Variants in CTNND2 observed in about 807,000 individuals in gnomAD.
CTNND2 encodes the protein catenin delta-2.
A neutral mutation model predicts 144.4 loss-of-function variants in CTNND2; 22 were observed. That is an observed-to-expected ratio of 0.15 (90% CI 0.11 to 0.22). The LOEUF is 0.22. Ranked by LOEUF, CTNND2 falls within the 10% of genes least tolerant of loss-of-function variation. The pLI is 1.00. For missense variants in CTNND2, 1,353 were observed against 1,618.8 expected, an observed-to-expected ratio of 0.84 and a Z score of 2.82; for synonymous variants, 751 against 695.6, an observed-to-expected ratio of 1.08 and a Z score of -1.25.
At chr5:11,427,872 A>G (rs1762928071) in intron 3 of CTNND2, among the ~76,000 whole-genome samples, 2 of 152,168 alleles carry the variant, frequency 1.3e-5, no homozygotes, top group Admixed American at 6.6e-5. Context: ...TGCTGCTGAT[A>G]AAGACATACT....
At chr5:11,064,998 T>C (rs1747407384) in intron 16 of CTNND2, among the ~76,000 whole-genome samples, 1 of 152,232 alleles carries the variant, frequency 6.6e-6, no homozygotes, top group Non-Finnish European at 1.5e-5. Flanking sequence ...GTTGTGGTTG[T>C]TCTTGTTACT....
chr5:11,880,839 T>TACTACTACCACC (rs1736033236), intron 1 of CTNND2, among the ~76,000 whole-genome samples: 1 of 124,880 alleles, frequency 8.0e-6, no homozygotes, highest in South Asian at 3.0e-4. Context: ...CTACTACCAC[T>TACTACTACCACC]ACTACTACCA....
intron 17 of CTNND2, among the ~76,000 whole-genome samples, chr5:11,019,048 T>C (rs1741944464): frequency 1.3e-5 from 2 of 152,170 alleles, no homozygotes; most frequent in Admixed American, 1.3e-4. Flanking sequence ...GTAAAAAAGC[T>C]ACAGGAGAAA....
At chr5:11,478,525 A>C (rs1303747010) in intron 3 of CTNND2, among the ~76,000 whole-genome samples, 2 of 152,344 alleles carry the variant, frequency 1.3e-5, no homozygotes, top group Non-Finnish European at 2.9e-5. Flanking sequence ...TTGTCAAAAC[A>C]CATCATACCA....
At chr5:11,889,186 C>T (rs1427723801) in intron 1 of CTNND2, among the ~76,000 whole-genome samples, 2 of 152,214 alleles carry the variant, frequency 1.3e-5, no homozygotes, top group East Asian at 3.8e-4. Flanking sequence ...TGCAGAATGT[C>T]AACCATGCAG....
At chr5:11,095,560 G>A (rs1341323352) in intron 15 of CTNND2, among the ~76,000 whole-genome samples, 4 of 152,218 alleles carry the variant, frequency 2.6e-5, no homozygotes, top group African/African-American at 4.8e-5. Flanking sequence ...GAATTTTTTC[G>A]CTCAGCCAAT....
intron 3 of CTNND2, among the ~76,000 whole-genome samples, chr5:11,442,263 TCTAA>T (rs1269082866): frequency 2.6e-5 from 4 of 152,226 alleles, no homozygotes; most frequent in African/African-American, 9.6e-5. Flanking sequence ...GGCTTTTTTC[TCTAA>T]CTCAGTTTTC....
At chr5:11,299,379 A>C (rs1239778512) in intron 9 of CTNND2, among the ~76,000 whole-genome samples, 2 of 152,086 alleles carry the variant, frequency 1.3e-5, no homozygotes, top group African/African-American at 4.8e-5. Flanking sequence ...GAAGAAACAA[A>C]CTCTTAGAAG....
intron 1 of CTNND2, among the ~76,000 whole-genome samples, chr5:11,856,041 G>T (rs1001069884): frequency 6.6e-6 from 1 of 152,128 alleles, no homozygotes; most frequent in African/African-American, 2.4e-5. Flanking sequence ...GGTTAGTTTG[G>T]CAGGACACAA....
intron 1 of CTNND2, among the ~76,000 whole-genome samples, chr5:11,890,541 T>C (rs1736875995): frequency 6.6e-6 from 1 of 152,200 alleles, no homozygotes; most frequent in Non-Finnish European, 1.5e-5. Context: ...ATGATATGAC[T>C]TGATGAATTA....
chr5:11,583,314 A>G (rs1778582719), intron 2 of CTNND2, among the ~76,000 whole-genome samples: 1 of 152,206 alleles, frequency 6.6e-6, no homozygotes, highest in Non-Finnish European at 1.5e-5. Flanking sequence ...GGATGGAGGT[A>G]AATCGTAAAA....
chr5:11,259,530 C>A (rs1381254413), intron 9 of CTNND2, among the ~76,000 whole-genome samples: 1 of 152,092 alleles, frequency 6.6e-6, no homozygotes, highest in African/African-American at 2.4e-5. Context: ...CAAGTCAGAA[C>A]TGTCCAGCTA....
At chr5:11,327,175 G>A (rs946576274) in intron 9 of CTNND2, among the ~76,000 whole-genome samples, 1 of 152,164 alleles carries the variant, frequency 6.6e-6, no homozygotes, top group African/African-American at 2.4e-5. Flanking sequence ...CATTGGGTCA[G>A]GTGGAGGTCA....
intron 8 of CTNND2, among the ~76,000 whole-genome samples, chr5:11,359,567 G>A (rs1756237110): frequency 6.6e-6 from 1 of 152,184 alleles, no homozygotes. Context: ...CAGATCTCTG[G>A]AGCCACCATG....
intron 2 of CTNND2, among the ~76,000 whole-genome samples, chr5:11,635,089 A>AT (rs1004184775): frequency 3.3e-4 from 50 of 150,552 alleles, no homozygotes; most frequent in South Asian, 1.1e-3. Flanking sequence ...ATAAGCAAAG[A>AT]TTTTTTTTTT....
At chr5:11,590,562 T>TATC (rs1779171233) in intron 2 of CTNND2, among the ~76,000 whole-genome samples, 1 of 152,098 alleles carries the variant, frequency 6.6e-6, no homozygotes, top group African/African-American at 2.4e-5. Context: ...TCCTTGTGAA[T>TATC]GTACTTTGTA....
intron 3 of CTNND2, among the ~76,000 whole-genome samples, chr5:11,522,444 G>A (rs1465360925): frequency 6.6e-6 from 1 of 152,072 alleles, no homozygotes; most frequent in East Asian, 1.9e-4. Flanking sequence ...TCAAAATCTG[G>A]TGTTTTGTTA....
chr5:11,604,783 T>C (rs1333276160), intron 2 of CTNND2, among the ~76,000 whole-genome samples: 3 of 152,192 alleles, frequency 2.0e-5, no homozygotes, highest in East Asian at 1.9e-4. Context: ...TTCAGAAGCA[T>C]TTATAATACC....
intron 3 of CTNND2, among the ~76,000 whole-genome samples, chr5:11,500,382 T>C (rs1042803607): frequency 2.6e-5 from 4 of 152,206 alleles, no homozygotes; most frequent in East Asian, 1.9e-4. Flanking sequence ...CCTTTCAGAA[T>C]TGAGGTAAAG....
Sources: allele counts gnomAD v4.1 joint callset (sites outside exome capture counted in the v4.1 genomes callset), GRCh38; gene constraint gnomAD v4.1.1; transcripts MANE v1.5; gene names NCBI Gene and HGNC (gene_info 2026-07-23, HGNC 2026-07-21).